MED12L: variants seen among roughly 807,000 people sequenced by gnomAD.
MED12L encodes the protein mediator complex subunit 12L.
A neutral mutation model predicts 281.3 loss-of-function variants in MED12L; 60 were observed. That is an observed-to-expected ratio of 0.21 (90% CI 0.17 to 0.26). The LOEUF (loss-of-function observed/expected upper bound fraction) is 0.26. MED12L is among the 10% of genes least tolerant of loss of function. The pLI is 1.00. For missense variants in MED12L, 2,146 were observed against 2,680.9 expected (o/e 0.80, Z 4.41); for synonymous variants, 974 against 987.2 (o/e 0.99, Z 0.25).
intron 16 of MED12L, among the ~76,000 whole-genome samples, chr3:151,276,483 G>A (rs1024518487): frequency 1.3e-5 from 2 of 152,132 alleles, no homozygotes; most frequent in South Asian, 4.1e-4. Context: ...CCTACCTCCT[G>A]GACTGGTCTG....
At chr3:151,328,533 A>C (rs779389899) in intron 16 of MED12L, 2 of 1,613,976 alleles carry the variant, frequency 1.2e-6, no homozygotes, top group Non-Finnish European at 1.7e-6. Flanking sequence ...TTTGGCAGGG[A>C]GATGAAGAAC....
chr3:151,230,157 G>A (rs1042389619), intron 16 of MED12L, among the ~76,000 whole-genome samples: 1 of 152,000 alleles, frequency 6.6e-6, no homozygotes, highest in African/African-American at 2.4e-5. Context: ...TGCATTTTTA[G>A]TAGAGACGGG....
Position 151,191,404 on chromosome 3 carries a change from A to G in MED12L, c.1968+473A>G, listed in dbSNP as rs551307426. ...ACACATATTTTCATTTCAGTTAATT[A>G]AAAGTTTAATCTCTGTTTCTCAAAT... On this transcript the variant is annotated intron_variant, in intron 14 of 44. Transcript: ENST00000687756. Among the ~76,000 whole-genome samples the G allele has an allele frequency of 2.6e-5, 4 of 152,346 alleles. No homozygotes were observed. In the East Asian group the frequency reaches 7.7e-4, roughly 29 times the overall value.
At chr3:151,416,255 C>A in intron 42 of MED12L, 57 bp from the exon 43 acceptor site, 1 of 1,611,992 alleles carries the variant, frequency 6.2e-7, no homozygotes. Flanking sequence ...GAAACAGATT[C>A]AGCAATGCTG....
At chr3:151,412,565 G>A (rs542319285) in intron 41 of MED12L, among the ~76,000 whole-genome samples, 1 of 152,260 alleles carries the variant, frequency 6.6e-6, no homozygotes, top group East Asian at 1.9e-4. Flanking sequence ...CAAGGTTGAT[G>A]GTAACACATT....
intron 11 of MED12L, among the ~76,000 whole-genome samples, chr3:151,184,236 G>A (rs1723013579): frequency 1.3e-5 from 2 of 152,162 alleles, no homozygotes; most frequent in African/African-American, 4.8e-5. Context: ...TTGTTTGCTA[G>A]CATCTACAGC....
intron 16 of MED12L, among the ~76,000 whole-genome samples, chr3:151,287,983 C>A (rs1413047242): frequency 6.6e-6 from 1 of 152,140 alleles, no homozygotes; most frequent in Non-Finnish European, 1.5e-5. Context: ...TTTATTAATA[C>A]TCTATCCCTT....
At chr3:151,325,038 A>G (rs1431398599) in intron 16 of MED12L, among the ~76,000 whole-genome samples, 1 of 152,222 alleles carries the variant, frequency 6.6e-6, no homozygotes, top group African/African-American at 2.4e-5. Context: ...GGTAAGAGTT[A>G]AGTATTTTAG....
At chr3:151,088,911 G>A (rs1576698617) in intron 2 of MED12L, among the ~76,000 whole-genome samples, 2 of 152,118 alleles carry the variant, frequency 1.3e-5, no homozygotes, top group East Asian at 3.8e-4. Context: ...CCCCAAGGCA[G>A]CCAATGTTTT....
At chr3:151,101,205 TTTTA>T (rs1168671825) in intron 2 of MED12L, among the ~76,000 whole-genome samples, 1 of 152,304 alleles carries the variant, frequency 6.6e-6, no homozygotes, top group African/African-American at 2.4e-5. Flanking sequence ...AATTCATTAG[TTTTA>T]TTTATTTATT....
At chr3:151,227,441 T>G (rs1730754481) in intron 16 of MED12L, among the ~76,000 whole-genome samples, 1 of 152,242 alleles carries the variant, frequency 6.6e-6, no homozygotes, top group Non-Finnish European at 1.5e-5. Context: ...TAGGTTGGAT[T>G]TATAAACTGA....
intron 16 of MED12L, chr3:151,294,151 CAACA>C: frequency 7.1e-7 from 1 of 1,415,538 alleles, no homozygotes; most frequent in Non-Finnish European, 9.8e-7. Context: ...ATATCGATTC[CAACA>C]AACAATAAAA....
intron 38 of MED12L, among the ~76,000 whole-genome samples, chr3:151,392,213 C>T (rs1404959270): frequency 2.0e-5 from 3 of 151,930 alleles, no homozygotes; most frequent in Admixed American, 1.3e-4. Context: ...CCTGTAATCC[C>T]AGCACTTTGG....
chr3:151,193,659 T>A lies in MED12L; in HGVS notation c.2243T>A (p.Ile748Lys). ...TTACAGTATGCAACACATTTTCCTA[T>A]ACCTCTGGTAAGTCATTGCTTCAGT... ...RHLQYATHFPIPLDESSSHEC... is the reference protein window; with the variant it reads ...RHLQYATHFPKPLDESSSHEC... Residue 748 changes from isoleucine (I) to lysine (K), a missense_variant, in exon 16 of 45, where the codon ATA (isoleucine) becomes AAA (lysine). By Grantham distance (102) the Ile-to-Lys change is moderately radical. Transcript: ENST00000687756. 1 of 1,612,792 alleles carries A rather than the reference T, an allele frequency of 6.2e-7. No homozygotes were observed. The highest frequency in any genetic ancestry group is 8.5e-7 in the Non-Finnish European group (1 of 1,179,020).
At chr3:151,214,466 C>T in intron 16 of MED12L, 4 of 623,638 alleles carry the variant, frequency 6.4e-6, no homozygotes, top group South Asian at 2.0e-5. Flanking sequence ...CCTTTTTACT[C>T]TGTGTAAGTT....
intron 16 of MED12L, among the ~76,000 whole-genome samples, chr3:151,207,162 A>G (rs1290188463): frequency 6.6e-6 from 1 of 151,828 alleles, no homozygotes; most frequent in Non-Finnish European, 1.5e-5. Flanking sequence ...GGCTCAAGCA[A>G]TCCTGTTGCA....
At chr3:151,274,956 G>C (rs929091482) in intron 16 of MED12L, among the ~76,000 whole-genome samples, 10 of 152,184 alleles carry the variant, frequency 6.6e-5, no homozygotes, top group African/African-American at 2.4e-4. Flanking sequence ...TTCATCATCT[G>C]TAGCAGGATG....
At chr3:151,313,219 T>C (rs1030701850) in intron 16 of MED12L, among the ~76,000 whole-genome samples, 40 of 152,282 alleles carry the variant, frequency 2.6e-4, no homozygotes, top group Non-Finnish European at 2.1e-4. Context: ...ATTCATGTGC[T>C]GATTAGCACC....
chr3:151,229,234 T>C (rs1480270270), intron 16 of MED12L, among the ~76,000 whole-genome samples: 3 of 152,180 alleles, frequency 2.0e-5, no homozygotes, highest in African/African-American at 7.2e-5. Flanking sequence ...GTTTTGTGTA[T>C]TAATCCCTGT....
Sources: allele counts gnomAD v4.1 joint callset (sites outside exome capture counted in the v4.1 genomes callset), GRCh38; gene constraint gnomAD v4.1.1; transcripts MANE v1.5; gene names NCBI Gene and HGNC (gene_info 2026-07-23, HGNC 2026-07-21).